The following KCNH5 variants were observed in gnomAD, a reference collection of about 807,000 sequenced individuals.
KCNH5 encodes the protein potassium voltage-gated channel subfamily H member 5, also known as voltage-gated delayed rectifier potassium channel KCNH5.
A neutral mutation model predicts 96.1 loss-of-function variants in KCNH5; 46 were observed. That is an observed-to-expected ratio of 0.48 (90% CI 0.38 to 0.61). KCNH5 has a LOEUF of 0.61. KCNH5 is among the 20% of genes least tolerant of loss of function. The probability of loss-of-function intolerance (pLI) is 0.00; values close to 1 mark genes in which losing one functional copy is unlikely to be tolerated. For synonymous variants in KCNH5, 439 were observed against 449.8 expected, an observed-to-expected ratio of 0.98 and a Z score of 0.30; for missense variants, 907 against 1,225.8, an observed-to-expected ratio of 0.74 and a Z score of 3.88.
At chr14:62,814,055 A>G (rs1886924239) in intron 8 of KCNH5, among the ~76,000 whole-genome samples, 1 of 152,198 alleles carries the variant, frequency 6.6e-6, no homozygotes, top group South Asian at 2.1e-4. Context: ...ATTTAAAAAT[A>G]AAAGGTCATA....
chr14:62,755,321 T>C (rs911729678), intron 10 of KCNH5, among the ~76,000 whole-genome samples: 3 of 152,060 alleles, frequency 2.0e-5, no homozygotes, highest in African/African-American at 7.2e-5. Context: ...TACCAATAGA[T>C]TGGAAAACCT....
chr14:62,800,213 A>T (rs2355736), intron 9 of KCNH5, among the ~76,000 whole-genome samples: 11,623 of 152,124 alleles, frequency 0.076, 679 homozygotes, highest in East Asian at 0.26. Flanking sequence ...TAAGCACAAG[A>T]TGTGAAAAGT....
At chr14:62,738,889 A>G (rs1885214316) in intron 10 of KCNH5, among the ~76,000 whole-genome samples, 1 of 152,162 alleles carries the variant, frequency 6.6e-6, no homozygotes, top group Non-Finnish European at 1.5e-5. Context: ...ATTATGGAGA[A>G]GCAAAAGATG....
intron 4 of KCNH5, among the ~76,000 whole-genome samples, chr14:62,993,202 G>A (rs935323368): frequency 3.3e-5 from 5 of 152,020 alleles, no homozygotes; most frequent in Admixed American, 6.6e-5. Context: ...GTACTGTGCT[G>A]TTTGGGTTAA....
At chr14:62,982,513 G>C (rs866290824) in intron 5 of KCNH5, among the ~76,000 whole-genome samples, 1 of 152,176 alleles carries the variant, frequency 6.6e-6, no homozygotes. Context: ...CAGAAGGTAG[G>C]AGTCAAAAAG....
At chr14:62,924,388 A>T (rs1889434135) in intron 7 of KCNH5, among the ~76,000 whole-genome samples, 1 of 152,042 alleles carries the variant, frequency 6.6e-6, no homozygotes, top group Admixed American at 6.6e-5. Flanking sequence ...AAATTAGTAC[A>T]GCCATTATGG....
intron 10 of KCNH5, among the ~76,000 whole-genome samples, chr14:62,765,186 T>A (rs963271984): frequency 1.3e-5 from 2 of 152,124 alleles, no homozygotes; most frequent in African/African-American, 4.8e-5. Context: ...CATAGACCAA[T>A]GGAACAAGTT....
intron 7 of KCNH5, among the ~76,000 whole-genome samples, chr14:62,917,355 T>TA (rs1039094108): frequency 3.4e-5 from 3 of 88,444 alleles, no homozygotes; most frequent in African/African-American, 1.8e-4. Flanking sequence ...GTTTGTTAGG[T>TA]TTTTTTTTTT....
chr14:63,029,588 G>A (rs997651222), intron 1 of KCNH5, among the ~76,000 whole-genome samples: 1 of 151,558 alleles, frequency 6.6e-6, no homozygotes, highest in Non-Finnish European at 1.5e-5. Flanking sequence ...GTTAAATGTT[G>A]ACCTGCAAAC....
chr14:62,734,367 C>T (rs1436318632), intron 10 of KCNH5, among the ~76,000 whole-genome samples: 1 of 152,208 alleles, frequency 6.6e-6, no homozygotes, highest in Non-Finnish European at 1.5e-5. Context: ...TCAGTTTTAG[C>T]AGCTGGAACT....
In KCNH5 at chr14:62,706,838, C is replaced by G. The variant is rs768846377; in HGVS notation, c.*670G>C. On this transcript the variant is annotated 3_prime_UTR_variant, in exon 11 of 11. Coordinates refer to ENST00000322893, the MANE Select transcript of KCNH5 (RefSeq NM_139318.5). ...GAGTAGGGATTTCCTTACATAAGAG[C>G]TAATGATTACTATCTAAGTATAATG... The G allele has an allele frequency of 6.6e-6, 1 of 152,108 alleles. No homozygotes were observed. The highest frequency in any genetic ancestry group is 1.5e-5 in the Non-Finnish European group (1 of 68,002). 9.4% of individuals were successfully genotyped at this position (152,108 alleles called of 1,614,324 possible).
rs1295768684 is a variant in KCNH5 at position 62,700,174 on chromosome 14, T to C, written c.*7334A>G. The C allele has an allele frequency of 1.3e-5, 2 of 152,232 alleles. No individual in the cohort carries two copies. The highest frequency in any genetic ancestry group is 2.9e-5 in the Non-Finnish European group (2 of 68,030). 9.4% of individuals were successfully genotyped at this position (152,232 alleles called of 1,614,324 possible). ...CTAGAACATAGACTAAAAAGAACTC[T>C]ATAATTTTCAATATATCGTGAATCT... On this transcript the variant is annotated 3_prime_UTR_variant, in exon 11 of 11. Coordinates refer to ENST00000322893, the MANE Select transcript of KCNH5 (RefSeq NM_139318.5).
At chr14:62,755,437 TAA>T (rs1240708376) in intron 10 of KCNH5, among the ~76,000 whole-genome samples, 2 of 152,188 alleles carry the variant, frequency 1.3e-5, no homozygotes, top group East Asian at 3.9e-4. Context: ...AAGCAGTAAC[TAA>T]AAAGTCTCCC....
chr14:63,006,335 G>T, intron 3 of KCNH5, 31 bp downstream of exon 3: 1 of 1,292,554 alleles, frequency 7.7e-7, no homozygotes, highest in Non-Finnish European at 1.1e-6. Context: ...ATAAAGAGTT[G>T]GCACATCTTA....
intron 10 of KCNH5, among the ~76,000 whole-genome samples, chr14:62,717,807 T>A (rs1180823128): frequency 6.6e-6 from 1 of 152,142 alleles, no homozygotes; most frequent in Non-Finnish European, 1.5e-5. Flanking sequence ...TCATCGAAAT[T>A]AAAAATGCTT....
intron 7 of KCNH5, among the ~76,000 whole-genome samples, chr14:62,867,935 T>C (rs1888166666): frequency 6.6e-6 from 1 of 152,254 alleles, no homozygotes; most frequent in Non-Finnish European, 1.5e-5. Flanking sequence ...ACCTGCTTTA[T>C]TGTTCTTCAC....
intron 8 of KCNH5, among the ~76,000 whole-genome samples, chr14:62,815,250 A>C (rs567806374): frequency 6.6e-6 from 1 of 152,266 alleles, no homozygotes; most frequent in African/African-American, 2.4e-5. Context: ...CTGGTGCTGA[A>C]GGTCAAGGTT....
At chr14:62,969,318 T>C (rs1566725645) in intron 6 of KCNH5, among the ~76,000 whole-genome samples, 1 of 151,812 alleles carries the variant, frequency 6.6e-6, no homozygotes, top group Non-Finnish European at 1.5e-5. Context: ...AGAAGAAAAA[T>C]CTAAAATCAA....
intron 7 of KCNH5, among the ~76,000 whole-genome samples, chr14:62,856,813 A>G (rs940075473): frequency 2.5e-4 from 38 of 151,138 alleles, no homozygotes; most frequent in Middle Eastern, 3.4e-3. Flanking sequence ...ACCCCATTCC[A>G]TCTAGTATCT....
Sources: allele counts gnomAD v4.1 joint callset (sites outside exome capture counted in the v4.1 genomes callset), GRCh38; gene constraint gnomAD v4.1.1; transcripts MANE v1.5; gene names NCBI Gene and HGNC (gene_info 2026-07-23, HGNC 2026-07-21).